Variants in ZNF26 observed in about 807,000 individuals in gnomAD.
ZNF26 encodes the protein epididymis luminal protein 179.
ZNF26 carries 32 observed loss-of-function variants against 54.9 expected under a neutral mutation model. The ratio of observed to expected loss-of-function variants is 0.58; its 90% CI spans 0.44 to 0.78. ZNF26 has a LOEUF of 0.78. ZNF26 is among the 30% of genes least tolerant of loss of function. ZNF26 has a pLI of 0.00. For synonymous variants in ZNF26, 221 were observed against 209.2 expected (o/e 1.06, Z -0.49); for missense variants, 524 against 634.0 (o/e 0.83, Z 1.86).
intron 1 of ZNF26, among the ~76,000 whole-genome samples, chr12:132,992,982 A>G (rs1952995834): frequency 6.6e-6 from 1 of 151,344 alleles, no homozygotes; most frequent in Non-Finnish European, 1.5e-5. Flanking sequence ...AAGCCCATCA[A>G]AGGCATTCTT....
intron 1 of ZNF26, among the ~76,000 whole-genome samples, chr12:132,996,328 GC>G (rs1459293936): frequency 6.6e-6 from 1 of 152,156 alleles, no homozygotes; most frequent in African/African-American, 2.4e-5. Context: ...CTGTTCTCAA[GC>G]TGAGCAAATG....
Position 133,017,338 on chromosome 12 carries a change from C to T in ZNF26, c.*5857C>T, listed in dbSNP as rs1953578873. 1 of 152,182 alleles carries T rather than the reference C, an allele frequency of 6.6e-6. No individual in the cohort carries two copies. The highest frequency in any genetic ancestry group is 1.5e-5 in the Non-Finnish European group (1 of 68,046). 9.4% of individuals were successfully genotyped at this position (152,182 alleles called of 1,614,324 possible). A position where few individuals can be genotyped will look rare whatever the true frequency, so the allele number is the denominator to read the frequency against. On this transcript the variant is annotated 3_prime_UTR_variant, in exon 4 of 4. Coordinates refer to ENST00000328654, the MANE Select transcript of ZNF26 (RefSeq NM_019591.4). ...TATTGGTCACACCTTATGCTTACCC[C>T]ACCACCTAGAAGCGGCTGGTGTGAC...
At chr12:133,008,724 C>T (rs912536170) in intron 3 of ZNF26, among the ~76,000 whole-genome samples, 12 of 142,570 alleles carry the variant, frequency 8.4e-5, no homozygotes, top group Non-Finnish European at 1.2e-4. Flanking sequence ...TGCAGTGAGC[C>T]GAGATCGTGC....
intron 3 of ZNF26, 41 bp from the exon 4 acceptor site, chr12:133,010,095 G>T (rs1223830467): frequency 2.4e-5 from 37 of 1,550,684 alleles, no homozygotes; most frequent in Non-Finnish European, 3.1e-5. Context: ...TCAGGTTTAT[G>T]TTATGATTCA....
chr12:133,016,914 A>G lies in ZNF26; in HGVS notation c.*5433A>G, dbSNP rs1431803993. 6.6e-6 allele frequency: 1 copy of G among 152,206 alleles called. No homozygotes were observed. Among genetic ancestry groups the G allele is most frequent in the East Asian group, 1.9e-4 (1 of 5,206 alleles). The allele number at this position is 152,206 out of a possible 1,614,324, so 9.4% of individuals were successfully genotyped here. ...TTGAGTTGCCCTTTTCCAATTTTAC[A>G]TGCTTAGGTTGACTTCTCAATAGCA... On this transcript the variant is annotated 3_prime_UTR_variant, in exon 4 of 4. Transcript: ENST00000328654.
At chr12:132,997,063 G>A (rs1459696651) in intron 1 of ZNF26, among the ~76,000 whole-genome samples, 1 of 152,200 alleles carries the variant, frequency 6.6e-6, no homozygotes. Context: ...GGTTCAGAAG[G>A]GATGTGTAAG....
rs1953574418 is a variant in ZNF26 at position 133,016,866 on chromosome 12, G to T, written c.*5385G>T. ...GGAGGTTGTAAGGATGGGAATATTA[G>T]TTGAAAGTCTGATATTTTATCATTG... On this transcript the variant is annotated 3_prime_UTR_variant, in exon 4 of 4. Transcript: ENST00000328654. 1 of 151,996 alleles carries T rather than the reference G, an allele frequency of 6.6e-6. No individual in the cohort carries two copies. Among genetic ancestry groups the T allele is most frequent in the Admixed American group, 6.6e-5 (1 of 15,252 alleles). The allele number at this position is 151,996 out of a possible 1,614,324, so 9.4% of individuals were successfully genotyped here. A position where few individuals can be genotyped will look rare whatever the true frequency, so the allele number is the denominator to read the frequency against.
chr12:133,002,779 A>G (rs1470367785), intron 1 of ZNF26, among the ~76,000 whole-genome samples: 2 of 151,916 alleles, frequency 1.3e-5, no homozygotes, highest in Non-Finnish European at 2.9e-5. Flanking sequence ...GTACACCAGC[A>G]TGCCTGGCTA....
At position 133,011,122 on chromosome 12, in the gene ZNF26, A is replaced by G; in HGVS notation, c.1243A>G (p.Ile415Val). ...KAFSSKSYLVIHRRTHTGERP... is the reference protein window; with the variant it reads ...KAFSSKSYLVVHRRTHTGERP... ...TTTCAGCAGCAAGTCATACCTTGTT[A>G]TACATAGGAGAACACACACCGGAGA... Residue 415 changes from isoleucine (I) to valine (V), a missense_variant, in exon 4 of 4, where the codon ATA becomes GTA. Ile to Val is a conservative substitution (Grantham distance 29). Coordinates refer to ENST00000328654, the MANE Select transcript of ZNF26 (RefSeq NM_019591.4). The G allele has an allele frequency of 6.2e-7, 1 of 1,614,190 alleles. No homozygotes were observed. The highest frequency in any genetic ancestry group is 1.1e-5 in the South Asian group (1 of 91,086).
At position 133,012,973 on chromosome 12, in the gene ZNF26, T is replaced by A. The variant is rs1953515209; in HGVS notation, c.*1492T>A. On this transcript the variant is annotated 3_prime_UTR_variant, in exon 4 of 4. Coordinates refer to ENST00000328654, the MANE Select transcript of ZNF26 (RefSeq NM_019591.4). The stretch of plus-strand genomic sequence containing the variant: ...AAGTGGGGTATATGATTTAGGTTTG[T>A]TTGTTTTTCCTGAGACAAGAAAATC... 6.6e-6 allele frequency: 1 copy of A among 152,154 alleles called. No homozygotes were observed. Among genetic ancestry groups the A allele is most frequent in the Non-Finnish European group, 1.5e-5 (1 of 68,030 alleles). 9.4% of individuals were successfully genotyped at this position (152,154 alleles called of 1,614,324 possible).
chr12:133,011,137 C>T lies in ZNF26; in HGVS notation c.1258C>T (p.His420Tyr). 1 of 1,614,196 alleles carries T rather than the reference C, an allele frequency of 6.2e-7. No homozygotes were observed. ...KSYLVIHRRT[H>Y]TGERPYECSL... ...ATACCTTGTTATACATAGGAGAACA[C>T]ACACCGGAGAGAGACCCTATGAATG... is the stretch of plus-strand genomic sequence containing the variant. The change falls in exon 4 of 4, where the codon CAC becomes TAC. Residue 420 changes from histidine to tyrosine, a missense_variant. His to Tyr is a moderately conservative substitution (Grantham distance 83). Transcript: ENST00000328654.
intron 1 of ZNF26, among the ~76,000 whole-genome samples, chr12:132,994,985 G>C (rs1386386016): frequency 1.3e-5 from 2 of 152,196 alleles, no homozygotes; most frequent in African/African-American, 2.4e-5. Flanking sequence ...CCCCGGGGGG[G>C]CAAAATCTCC....
rs1415992955 is a variant in ZNF26, at chr12:133,020,412, C to A, written c.*8931C>A. 1 of 151,742 alleles carries A rather than the reference C, an allele frequency of 6.6e-6. No homozygotes were observed. The highest frequency in any genetic ancestry group is 1.5e-5 in the Non-Finnish European group (1 of 67,968). The allele number at this position is 151,742 out of a possible 1,614,324, so 9.4% of individuals were successfully genotyped here. A position where few individuals can be genotyped will look rare whatever the true frequency, so the allele number is the denominator to read the frequency against. On this transcript the variant is annotated 3_prime_UTR_variant, in exon 4 of 4. Coordinates refer to ENST00000328654, the MANE Select transcript of ZNF26 (RefSeq NM_019591.4). ...TATGAATGTATCTATTATTGCTGAACTGTACACTTAAAAATGGTAATGATG... is the reference window on the plus strand; with the variant it reads ...TATGAATGTATCTATTATTGCTGAAATGTACACTTAAAAATGGTAATGATG...
Position 133,026,511 on chromosome 12 carries a change from T to C in ZNF26, c.*15030T>C, listed in dbSNP as rs1433733716. 8.2e-5 allele frequency: 11 copies of C among 133,472 alleles called. No individual in the cohort carries two copies. The highest frequency in any genetic ancestry group is 1.6e-4 in the African/African-American group (6 of 37,746). 8.3% of individuals were successfully genotyped at this position (133,472 alleles called of 1,614,324 possible). ...AACCCATAAAAAGGACAACTTCATA[T>C]AGTTCAACTTTTTTTTTTTTTTTTT... is the stretch of plus-strand genomic sequence containing the variant. On this transcript the variant is annotated 3_prime_UTR_variant, in exon 4 of 4. Transcript: ENST00000328654.
chr12:133,012,066 G>T lies in ZNF26; in HGVS notation c.*585G>T, dbSNP rs2137264016. 6.6e-6 allele frequency: 1 copy of T among 152,126 alleles called. No individual in the cohort carries two copies. The highest frequency in any genetic ancestry group is 2.1e-4 in the South Asian group (1 of 4,818). The allele number at this position is 152,126 out of a possible 1,614,324, so 9.4% of individuals were successfully genotyped here. On this transcript the variant is annotated 3_prime_UTR_variant, in exon 4 of 4. Transcript: ENST00000328654. ...TATCTATATATATATTTGATAGTTT[G>T]TGGAATAATATCCCCCAGTATTTTC... is the stretch of plus-strand genomic sequence containing the variant.
rs1383608478 is a variant in ZNF26 at position 133,020,522 on chromosome 12, A to T, written c.*9041A>T. 6.6e-6 allele frequency: 1 copy of T among 152,216 alleles called. No individual in the cohort carries two copies. Among genetic ancestry groups the T allele is most frequent in the African/African-American group, 2.4e-5 (1 of 41,456 alleles). 9.4% of individuals were successfully genotyped at this position (152,216 alleles called of 1,614,324 possible). ...CAAAAAAGAAGATATAATAATTATA[A>T]ACATGTATGTACCTAATAACAGCAC... On this transcript the variant is annotated 3_prime_UTR_variant, in exon 4 of 4. Coordinates refer to ENST00000328654, the MANE Select transcript of ZNF26 (RefSeq NM_019591.4).
chr12:133,015,515 A>T lies in ZNF26; in HGVS notation c.*4034A>T, dbSNP rs1953555443. 6.8e-6 allele frequency: 1 copy of T among 147,386 alleles called. No individual in the cohort carries two copies. The highest frequency in any genetic ancestry group is 1.5e-5 in the Non-Finnish European group (1 of 66,942). 9.1% of individuals were successfully genotyped at this position (147,386 alleles called of 1,614,324 possible). A position where few individuals can be genotyped will look rare whatever the true frequency, so the allele number is the denominator to read the frequency against. On this transcript the variant is annotated 3_prime_UTR_variant, in exon 4 of 4. Coordinates refer to ENST00000328654, the MANE Select transcript of ZNF26 (RefSeq NM_019591.4). ...GAACTAAAAAATGAAAAAAAATAAGATGCTTTCCTATGGTCCCAGCTACTT... is the reference window on the plus strand; with the variant it reads ...GAACTAAAAAATGAAAAAAAATAAGTTGCTTTCCTATGGTCCCAGCTACTT...
chr12:132,987,088 T>TA (rs1952837886), intron 1 of ZNF26, among the ~76,000 whole-genome samples: 1 of 152,142 alleles, frequency 6.6e-6, no homozygotes, highest in Non-Finnish European at 1.5e-5. Flanking sequence ...GACGGGCAGT[T>TA]ATACTGCACT....
At position 133,001,560 on chromosome 12, in the gene ZNF26, T is replaced by C; in HGVS notation, c.34-5482T>C. The stretch of plus-strand genomic sequence containing the variant: ...TGCAGTTCCATGGTGTATGTGATTC[T>C]TTCTCTCACTGCATGCAGACTCACC... On this transcript the variant is annotated intron_variant, in intron 1 of 3. Coordinates refer to ENST00000328654, the MANE Select transcript of ZNF26 (RefSeq NM_019591.4). The surrounding 1 kb of genome is among the most constrained non-coding windows in gnomAD (Gnocchi z 4.7). The C allele has an allele frequency of 1.1e-6, 1 of 872,740 alleles. No individual in the cohort carries two copies. Among genetic ancestry groups the C allele is most frequent in the Non-Finnish European group, 1.6e-6 (1 of 616,962 alleles). The allele number at this position is 872,740 out of a possible 1,614,324, so 54.1% of individuals were successfully genotyped here. A position where few individuals can be genotyped will look rare whatever the true frequency, so the allele number is the denominator to read the frequency against.
Sources: allele counts gnomAD v4.1 joint callset (sites outside exome capture counted in the v4.1 genomes callset), GRCh38; gene constraint gnomAD v4.1.1; non-coding constraint Gnocchi (gnomAD v3.1); transcripts MANE v1.5; gene names NCBI Gene and HGNC (gene_info 2026-07-23, HGNC 2026-07-21).